The following TMPRSS9 variants were observed in gnomAD, a reference collection of about 807,000 sequenced individuals.
The protein encoded by TMPRSS9 is transmembrane protease serine 9.
A neutral mutation model predicts 111.4 loss-of-function variants in TMPRSS9; 113 were observed. That is an observed-to-expected ratio of 1.01 (90% CI 0.87 to 1.19). The LOEUF is 1.19. Ranked by LOEUF, TMPRSS9 falls within the 50% of genes most tolerant of loss-of-function variation. The pLI, the probability that TMPRSS9 is intolerant of heterozygous loss-of-function variation, is 0.00. For synonymous variants in TMPRSS9, 805 were observed against 659.1 expected, an observed-to-expected ratio of 1.22 and a Z score of -3.39; for missense variants, 1,803 against 1,513.1, an observed-to-expected ratio of 1.19 and a Z score of -3.18.
At chr19:2,369,404 C>G (rs184298305) in intron 1 of TMPRSS9, among the ~76,000 whole-genome samples, 1 of 151,560 alleles carries the variant, frequency 6.6e-6, no homozygotes, top group Non-Finnish European at 1.5e-5. Context: ...ATTTAAGAAG[C>G]CTGTTAATGA....
chr19:2,408,269 C>T lies in TMPRSS9; in HGVS notation c.843-87C>T. The T allele has an allele frequency of 3.6e-6, 5 of 1,371,492 alleles. No individual in the cohort carries two copies. In the South Asian group the frequency reaches 5.2e-5, roughly 14 times the overall value. The allele number at this position is 1,371,492 out of a possible 1,614,324, so 85.0% of individuals were successfully genotyped here. Reference sequence around the variant, plus strand: ...TATTAATGTGGGGGGATACCCCTTACATTTTGCACCCAAGGCGAGTGTCCC... The same window carrying T: ...TATTAATGTGGGGGGATACCCCTTATATTTTGCACCCAAGGCGAGTGTCCC... On this transcript the variant is annotated intron_variant, in intron 7 of 17. Transcript: ENST00000648592.
intron 11 of TMPRSS9, 178 bp from the exon 13 acceptor site, chr19:2,416,360 A>C: frequency 1.3e-6 from 1 of 782,590 alleles, no homozygotes. Flanking sequence ...CCTTTTCAGG[A>C]GGAGCCCAGC....
At chr19:2,385,902 C>T (rs1970465942), upstream of TMPRSS9, among the ~76,000 whole-genome samples, 1 of 151,982 alleles carries the variant, frequency 6.6e-6, no homozygotes, top group Non-Finnish European at 1.5e-5. Flanking sequence ...GAAACAACAT[C>T]CTGTGGGCCA....
chr19:2,382,056 G>A (rs1013860624), intron 1 of TMPRSS9, among the ~76,000 whole-genome samples: 2 of 152,064 alleles, frequency 1.3e-5, no homozygotes, highest in Non-Finnish European at 2.9e-5. Context: ...TGTCAGGCTG[G>A]TCTCGAACTC....
rs1408402949 is a variant in TMPRSS9 at position 2,425,235 on chromosome 19, T to A, written c.2951T>A (p.Val984Asp). ...CGACCCCCGGACGGCACGCGCTGCGTCATCACCGGCTGGGGCTCGGTGCGC... is the reference window on the plus strand; with the variant it reads ...CGACCCCCGGACGGCACGCGCTGCGACATCACCGGCTGGGGCTCGGTGCGC... The change falls in exon 16 of 18, where the codon GTC (valine) becomes GAC (aspartate). Residue 984 changes from valine to aspartate, a missense_variant. Transcript: ENST00000648592. The A allele has an allele frequency of 2.1e-6, 3 of 1,425,952 alleles. No homozygotes were observed. Among genetic ancestry groups the A allele is most frequent in the Admixed American group, 3.0e-5 (1 of 33,054 alleles). 88.3% of individuals were successfully genotyped at this position (1,425,952 alleles called of 1,614,324 possible).
chr19:2,425,902 A>ACC (rs1971613319), intron 17 of TMPRSS9, 25 bp from the exon 19 acceptor site: 1 of 1,564,664 alleles, frequency 6.4e-7, no homozygotes, highest in Admixed American at 2.1e-5. Context: ...CGGCCTCTGA[A>ACC]CCCCCTTTCT....
chr19:2,401,400 A>AG (rs1214774304), intron 4 of TMPRSS9, among the ~76,000 whole-genome samples: 7 of 152,124 alleles, frequency 4.6e-5, no homozygotes, highest in African/African-American at 1.7e-4. Context: ...CCTTGGTGAT[A>AG]GGGAGGTTCC....
rs1296063406 is a variant in TMPRSS9 at position 2,382,313 on chromosome 19, G to C, written c.-25-7448G>C. ...ATGCCCGGCTAATTTTTTTATTTTG[G>C]TAGAGATGGGGTTTCGCCATGTTGG... On this transcript the variant is annotated intron_variant, in intron 1 of 17. Coordinates refer to the TMPRSS9 transcript ENST00000649857. Among the ~76,000 whole-genome samples, 3 of 151,820 alleles carry C rather than the reference G, an allele frequency of 2.0e-5. No homozygotes were observed. The East Asian group carries it at 5.8e-4, about 29-fold the overall frequency.
At chr19:2,393,491 A>G (rs1006711113) in intron 1 of TMPRSS9, among the ~76,000 whole-genome samples, 2 of 152,216 alleles carry the variant, frequency 1.3e-5, no homozygotes, top group Admixed American at 1.3e-4. Flanking sequence ...TCTTTAAGAA[A>G]TGTAACACTC....
chr19:2,396,458 G>A, intron 1 of TMPRSS9, 81 bp from the exon 3 acceptor site: 1 of 1,476,140 alleles, frequency 6.8e-7, no homozygotes, highest in South Asian at 1.3e-5. Flanking sequence ...AGTGCAAACA[G>A]GGCGGGGCCT....
chr19:2,401,658 A>G (rs1401845109), intron 4 of TMPRSS9, among the ~76,000 whole-genome samples: 5 of 151,120 alleles, frequency 3.3e-5, no homozygotes, highest in African/African-American at 1.2e-4. Flanking sequence ...CCCAGGCTGG[A>G]GTACAATGGT....
chr19:2,374,265 T>TA, intron 1 of TMPRSS9, among the ~76,000 whole-genome samples: 1 of 109,770 alleles, frequency 9.1e-6, no homozygotes, highest in Non-Finnish European at 2.3e-5. Context: ...TTTTTTTTTT[T>TA]TTTTTTTTTT....
chr19:2,376,271 T>C (rs1254703644), intron 1 of TMPRSS9, among the ~76,000 whole-genome samples: 1 of 152,050 alleles, frequency 6.6e-6, no homozygotes, highest in African/African-American at 2.4e-5. Flanking sequence ...CCTCCTCTCA[T>C]GAGAACACTG....
chr19:2,415,306 C>A lies in TMPRSS9; in HGVS notation c.1574-364C>A, dbSNP rs567121500. Among the ~76,000 whole-genome samples the A allele has an allele frequency of 4.6e-5, 7 of 152,178 alleles. No homozygotes were observed. The South Asian group carries it at 1.4e-3, about 32-fold the overall frequency. ...TTCCGAAACCCCCTAACAATCGTAC[C>A]CTTCCTTTTCTCAGCCGCCCCATGG... is the stretch of plus-strand genomic sequence containing the variant. On this transcript the variant is annotated intron_variant, in intron 10 of 17. Coordinates refer to ENST00000648592, the Ensembl canonical transcript of TMPRSS9.
intron 1 of TMPRSS9, among the ~76,000 whole-genome samples, chr19:2,394,170 C>T (rs946462946): frequency 1.5e-4 from 23 of 151,970 alleles, no homozygotes; most frequent in African/African-American, 5.3e-4. Flanking sequence ...GCCACTGCAT[C>T]CCAGCCTGGC....
chr19:2,360,807 C>T (rs114794664), intron 1 of TMPRSS9, among the ~76,000 whole-genome samples: 2,162 of 150,238 alleles, frequency 0.014, 53 homozygotes, highest in African/African-American at 0.05. Flanking sequence ...GTTGTGTGGA[C>T]GCAGCCGGGA....
exon 1 of TMPRSS9, chr19:2,389,900 G>A (rs773154071): frequency 6.2e-7 from 1 of 1,613,212 alleles, no homozygotes; most frequent in Non-Finnish European, 8.5e-7. Flanking sequence ...CACCAGCCTT[G>A]TCGTCCTCAC....
chr19:2,423,253 C>A (rs1386187374), intron 14 of TMPRSS9, among the ~76,000 whole-genome samples: 1 of 151,704 alleles, frequency 6.6e-6, no homozygotes, highest in African/African-American at 2.4e-5. Flanking sequence ...TCTTTGGGCC[C>A]AAAAGAGGTG....
intron 5 of TMPRSS9, 67 bp from the exon 7 acceptor site, chr19:2,403,015 C>CATG: frequency 8.9e-7 from 1 of 1,124,610 alleles, no homozygotes; most frequent in Non-Finnish European, 1.3e-6. Context: ...CTAAGTATAG[C>CATG]ATGGTGCCTT....
Sources: gnomAD v4.1 joint callset for allele counts (sites outside exome capture counted in the v4.1 genomes callset) on GRCh38, gnomAD v4.1.1 for gene constraint, MANE v1.5 for transcripts, NCBI Gene and HGNC (gene_info 2026-07-23, HGNC 2026-07-21) for gene names.